The following CCDC30 variants were observed in gnomAD, a reference collection of about 807,000 sequenced individuals.
CCDC30 encodes coiled-coil domain containing 30, also known as coiled-coil domain-containing protein 30.
In CCDC30, 70 loss-of-function variants were observed where a neutral mutation model predicts 100.2. That is an observed-to-expected ratio of 0.70 (90% CI 0.58 to 0.85). The LOEUF (loss-of-function observed/expected upper bound fraction) is 0.85. Ranked by LOEUF, CCDC30 falls within the 40% of genes least tolerant of loss-of-function variation. The pLI is 0.00. For missense variants in CCDC30, 652 were observed against 771.2 expected, an observed-to-expected ratio of 0.85 and a Z score of 1.83; for synonymous variants, 233 against 269.5, an observed-to-expected ratio of 0.86 and a Z score of 1.33.
At chr1:42,533,679 A>C (rs955013015) in intron 6 of CCDC30, among the ~76,000 whole-genome samples, 2 of 152,254 alleles carry the variant, frequency 1.3e-5, no homozygotes, top group Non-Finnish European at 2.9e-5. Flanking sequence ...ATGACCAGGC[A>C]GTATTTTATT....
intron 6 of CCDC30, among the ~76,000 whole-genome samples, chr1:42,542,561 T>TTTTTTTTTA (rs1645034760): frequency 1.1e-5 from 1 of 91,676 alleles, no homozygotes; most frequent in African/African-American, 3.4e-5. Context: ...TTTTTTTTTT[T>TTTTTTTTTA]GAGACGGAGT....
intron 6 of CCDC30, among the ~76,000 whole-genome samples, chr1:42,522,488 C>G (rs1057100774): frequency 8.5e-5 from 13 of 152,248 alleles, no homozygotes; most frequent in Admixed American, 5.9e-4. Flanking sequence ...CTTTTCTTCT[C>G]ATTTCCATTT....
intron 11 of CCDC30, among the ~76,000 whole-genome samples, chr1:42,635,983 C>T (rs947390110): frequency 3.3e-5 from 5 of 152,178 alleles, no homozygotes; most frequent in Admixed American, 6.5e-5. Flanking sequence ...CATCCTAGTG[C>T]GTGTGAAGCA....
chr1:42,545,337 C>T, intron 6 of CCDC30, 73 bp from the exon 9 acceptor site: 1 of 1,180,050 alleles, frequency 8.5e-7, no homozygotes, highest in Non-Finnish European at 1.2e-6. Flanking sequence ...TTAATGAAAT[C>T]AGTATACTTT....
At chr1:42,466,752 A>G (rs1455933438) in intron 1 of CCDC30, among the ~76,000 whole-genome samples, 1 of 151,916 alleles carries the variant, frequency 6.6e-6, no homozygotes, top group Admixed American at 6.6e-5. Context: ...AGGTTTCCCC[A>G]TGTTGGCCAG....
intron 2 of CCDC30, among the ~76,000 whole-genome samples, chr1:42,480,850 T>C (rs1441739095): frequency 6.6e-6 from 1 of 152,208 alleles, no homozygotes. Context: ...CCAGATGTGG[T>C]GGCTCATGCC....
intron 6 of CCDC30, among the ~76,000 whole-genome samples, chr1:42,525,137 C>G (rs1359888774): frequency 1.3e-5 from 2 of 151,916 alleles, no homozygotes; most frequent in Non-Finnish European, 2.9e-5. Context: ...TTTCTTAGTA[C>G]TTATCTTGCT....
rs1645806977 is a variant in CCDC30, at chr1:42,575,164, AT to A, written c.637-1854del. On this transcript the variant is annotated intron_variant, in intron 7 of 16. Coordinates refer to ENST00000668663, the Ensembl canonical transcript of CCDC30. Reference sequence around the variant, plus strand: ...AGTTGAAAAGCTTTGAGACCAGGGAATTCTATTTACCATTAAAACAAAGTAA... The same window carrying A: ...AGTTGAAAAGCTTTGAGACCAGGGAATCTATTTACCATTAAAACAAAGTAA... Among the ~76,000 whole-genome samples the A allele has an allele frequency of 2.0e-5, 3 of 152,342 alleles. No individual in the cohort carries two copies. In the South Asian group the frequency reaches 6.2e-4, roughly 32 times the overall value.
intron 10 of CCDC30, chr1:42,595,253 A>T (rs1646262581): frequency 6.6e-6 from 1 of 152,230 alleles, no homozygotes; most frequent in South Asian, 2.1e-4. Context: ...ATGGACAGAA[A>T]AAGTAAATCC....
At chr1:42,615,878 A>G (rs982491156) in intron 11 of CCDC30, among the ~76,000 whole-genome samples, 3 of 151,964 alleles carry the variant, frequency 2.0e-5, no homozygotes, top group Non-Finnish European at 4.4e-5. Flanking sequence ...ACTTATAGAC[A>G]GAAATTACTT....
intron 8 of CCDC30, among the ~76,000 whole-genome samples, chr1:42,580,475 G>A (rs1009758271): frequency 6.6e-6 from 1 of 152,054 alleles, no homozygotes; most frequent in African/African-American, 2.4e-5. Context: ...ATATTAGAGG[G>A]ATAATAGCTA....
intron 6 of CCDC30, among the ~76,000 whole-genome samples, chr1:42,524,105 C>CTT (rs199539747): frequency 3.5e-5 from 5 of 141,462 alleles, no homozygotes; most frequent in Non-Finnish European, 6.2e-5. Flanking sequence ...GTTTTGTTTT[C>CTT]TTTTTTTTTT....
At chr1:42,642,101 C>T (rs1226419566) in intron 12 of CCDC30, among the ~76,000 whole-genome samples, 1 of 151,956 alleles carries the variant, frequency 6.6e-6, no homozygotes, top group Admixed American at 6.6e-5. Context: ...TGGTGGGCAC[C>T]TGTAGTCCCA....
intron 10 of CCDC30, chr1:42,593,644 C>G (rs1646230394): frequency 6.6e-6 from 1 of 152,240 alleles, no homozygotes; most frequent in South Asian, 2.1e-4. Context: ...CCTGAGGCTG[C>G]CCCAGAGTCT....
At chr1:42,639,181 G>C (rs1158876149) in intron 12 of CCDC30, among the ~76,000 whole-genome samples, 1 of 152,080 alleles carries the variant, frequency 6.6e-6, no homozygotes, top group Non-Finnish European at 1.5e-5. Flanking sequence ...GATTATCCTG[G>C]ATTAGGGTGA....
chr1:42,512,243 C>T (rs6600407), intron 6 of CCDC30, among the ~76,000 whole-genome samples: 30,506 of 152,090 alleles, frequency 0.2, 3,345 homozygotes, highest in South Asian at 0.42. Context: ...CCAGTGTGGG[C>T]GTCAAGGGCA....
At chr1:42,582,620 T>C (rs1645990283) in intron 9 of CCDC30, among the ~76,000 whole-genome samples, 1 of 152,272 alleles carries the variant, frequency 6.6e-6, no homozygotes, top group South Asian at 2.1e-4. Flanking sequence ...CAAAACACTC[T>C]CATAATAAAC....
At chr1:42,494,019 G>T (rs72637935) in intron 4 of CCDC30, among the ~76,000 whole-genome samples, 3 of 152,014 alleles carry the variant, frequency 2.0e-5, no homozygotes, top group African/African-American at 7.2e-5. Flanking sequence ...TTCAAGACCA[G>T]CCTGGTGAGC....
intron 6 of CCDC30, among the ~76,000 whole-genome samples, chr1:42,548,392 C>A (rs1367762301): frequency 6.6e-6 from 1 of 152,196 alleles, no homozygotes; most frequent in South Asian, 2.1e-4. Context: ...CATGTGAGTG[C>A]AGTGGAAAGA....
Sources: allele counts gnomAD v4.1 joint callset (sites outside exome capture counted in the v4.1 genomes callset), GRCh38; gene constraint gnomAD v4.1.1; transcripts MANE v1.5; gene names NCBI Gene and HGNC (gene_info 2026-07-23, HGNC 2026-07-21).